CHRM2: variants seen among roughly 807,000 people sequenced by gnomAD.
The protein encoded by CHRM2 is muscarinic acetylcholine receptor M2.
In CHRM2, 8 loss-of-function variants were observed where a neutral mutation model predicts 25.0. The observed-to-expected ratio is 0.32, with a 90% CI of 0.19 to 0.58. The LOEUF is 0.58. CHRM2 is among the 20% of genes least tolerant of loss of function. The pLI is 0.88. For synonymous variants in CHRM2, 202 were observed against 205.7 expected (o/e 0.98, Z 0.15); for missense variants, 440 against 567.1 (o/e 0.78, Z 2.28).
intron 2 of CHRM2, among the ~76,000 whole-genome samples, chr7:136,934,769 T>A (rs1799315071): frequency 6.7e-6 from 1 of 148,978 alleles, no homozygotes; most frequent in African/African-American, 2.4e-5. Context: ...CCAGAAAAAA[T>A]ATTAAAAATA....
At chr7:137,005,020 G>C (rs1188288577) in intron 3 of CHRM2, among the ~76,000 whole-genome samples, 1 of 152,042 alleles carries the variant, frequency 6.6e-6, no homozygotes, top group African/African-American at 2.4e-5. Context: ...GTTGAATCTG[G>C]TATGAATCTT....
chr7:136,911,044 G>A (rs1797816595), intron 2 of CHRM2, among the ~76,000 whole-genome samples: 1 of 151,744 alleles, frequency 6.6e-6, no homozygotes, highest in Admixed American at 6.6e-5. Context: ...ACTCAAATAG[G>A]CTTAGTTTAA....
intron 2 of CHRM2, among the ~76,000 whole-genome samples, chr7:136,878,538 A>G (rs1796136353): frequency 1.3e-5 from 2 of 151,988 alleles, no homozygotes; most frequent in East Asian, 3.9e-4. Context: ...TATCCTTATC[A>G]GGGGAAATTT....
At chr7:136,946,957 G>A (rs545982923) in intron 2 of CHRM2, among the ~76,000 whole-genome samples, 18 of 152,278 alleles carry the variant, frequency 1.2e-4, no homozygotes, top group African/African-American at 4.1e-4. Flanking sequence ...AATTATTGCT[G>A]TTACTTTCCC....
chr7:137,006,156 A>T (rs1206344120), intron 3 of CHRM2, among the ~76,000 whole-genome samples: 2 of 152,156 alleles, frequency 1.3e-5, no homozygotes, highest in Non-Finnish European at 2.9e-5. Context: ...GGTACAGAAA[A>T]AGGTGGATGC....
At chr7:136,878,001 G>T (rs1796113007) in intron 2 of CHRM2, among the ~76,000 whole-genome samples, 1 of 151,952 alleles carries the variant, frequency 6.6e-6, no homozygotes, top group Admixed American at 6.6e-5. Context: ...AGAATAATTT[G>T]ATTGGTAGAG....
chr7:136,982,778 C>A (rs1239856840), intron 2 of CHRM2, among the ~76,000 whole-genome samples: 1 of 152,214 alleles, frequency 6.6e-6, no homozygotes, highest in Admixed American at 6.5e-5. Flanking sequence ...CCCCCACTCT[C>A]TTCTGGCTTG....
intron 2 of CHRM2, chr7:136,903,006 T>A: frequency 4.4e-6 from 2 of 451,668 alleles, no homozygotes; most frequent in Non-Finnish European, 8.6e-6. Context: ...CTGGAAAGTA[T>A]ACATTATGGC....
intron 2 of CHRM2, among the ~76,000 whole-genome samples, chr7:136,947,288 GA>G (rs35932713): frequency 3.3e-5 from 5 of 151,968 alleles, no homozygotes; most frequent in African/African-American, 7.2e-5. Flanking sequence ...ATTTGATCTA[GA>G]AAAAAATATG....
At chr7:136,916,434 T>C (rs1171562774) in intron 2 of CHRM2, among the ~76,000 whole-genome samples, 1 of 151,778 alleles carries the variant, frequency 6.6e-6, no homozygotes, top group Non-Finnish European at 1.5e-5. Flanking sequence ...ATTTTATCTA[T>C]AAGATGCCCT....
chr7:136,961,687 C>G (rs1232607293), intron 2 of CHRM2, among the ~76,000 whole-genome samples: 1 of 139,086 alleles, frequency 7.2e-6, no homozygotes, highest in East Asian at 1.9e-4. Flanking sequence ...TAGGTAAATT[C>G]TCAAACATTT....
intron 2 of CHRM2, among the ~76,000 whole-genome samples, chr7:136,979,732 G>C (rs1236847284): frequency 6.6e-6 from 1 of 152,096 alleles, no homozygotes; most frequent in African/African-American, 2.4e-5. Context: ...TTTTTGTCAG[G>C]TTTGTCAAAG....
intron 2 of CHRM2, among the ~76,000 whole-genome samples, chr7:136,989,942 T>G (rs1186112679): frequency 6.6e-6 from 1 of 152,096 alleles, no homozygotes; most frequent in Non-Finnish European, 1.5e-5. Context: ...CCACCTCCCT[T>G]CACCTCTCCC....
At chr7:137,009,768 G>A (rs1804683648) in intron 3 of CHRM2, among the ~76,000 whole-genome samples, 1 of 151,904 alleles carries the variant, frequency 6.6e-6, no homozygotes, top group Non-Finnish European at 1.5e-5. Context: ...CACTTCCAGG[G>A]TTGTTTTGGA....
chr7:137,000,796 T>C (rs1191847326), intron 3 of CHRM2, among the ~76,000 whole-genome samples: 1 of 150,570 alleles, frequency 6.6e-6, no homozygotes, highest in Non-Finnish European at 1.5e-5. Context: ...CCTGTCACGA[T>C]TTTTTATCCT....
chr7:136,942,533 G>T (rs954147123), intron 2 of CHRM2, among the ~76,000 whole-genome samples: 5 of 152,176 alleles, frequency 3.3e-5, no homozygotes, highest in African/African-American at 1.2e-4. Context: ...GAGGCCCAGA[G>T]TGCTGTTCTC....
chr7:137,016,391 C>A lies in CHRM2; in HGVS notation c.*125C>A. ...TAGTCTGATTACAAAACGTGCAATTCAGGAGCCCAGCAGTGACACACTTAT... is the reference window on the plus strand; with the variant it reads ...TAGTCTGATTACAAAACGTGCAATTAAGGAGCCCAGCAGTGACACACTTAT... On this transcript the variant is annotated 3_prime_UTR_variant, in exon 4 of 4. Coordinates refer to ENST00000680005, the MANE Select transcript of CHRM2 (RefSeq NM_001006630.2). 9.6e-7 allele frequency: 1 copy of A among 1,037,796 alleles called. No individual in the cohort carries two copies. Among genetic ancestry groups the A allele is most frequent in the Non-Finnish European group, 1.5e-6 (1 of 688,946 alleles). The allele number at this position is 1,037,796 out of a possible 1,614,324, so 64.3% of individuals were successfully genotyped here. A position where few individuals can be genotyped will look rare whatever the true frequency, so the allele number is the denominator to read the frequency against.
At chr7:136,990,210 T>C (rs1174665669) in intron 2 of CHRM2, among the ~76,000 whole-genome samples, 3 of 152,184 alleles carry the variant, frequency 2.0e-5, no homozygotes, top group Non-Finnish European at 4.4e-5. Context: ...TGAATATACA[T>C]TGAACACATC....
At position 136,869,091 on chromosome 7, in the gene CHRM2, T is replaced by C. The variant is rs377562880; in HGVS notation, c.-283+99T>C. On this transcript the variant is annotated intron_variant, in intron 1 of 3. Coordinates refer to ENST00000680005, the MANE Select transcript of CHRM2 (RefSeq NM_001006630.2). The surrounding 1 kb of genome is among the most constrained non-coding windows in gnomAD (Gnocchi z 4.9). ...TCTAAACCACGAACAGGTCACAGACTAGCCAAGTGGCTGAGACGAGTGTGG... is the reference window on the plus strand; with the variant it reads ...TCTAAACCACGAACAGGTCACAGACCAGCCAAGTGGCTGAGACGAGTGTGG... 3.9e-5 allele frequency: 6 copies of C among 152,122 alleles called. No individual in the cohort carries two copies. Among genetic ancestry groups the C allele is most frequent in the Admixed American group, 2.6e-4 (4 of 15,278 alleles). 9.4% of individuals were successfully genotyped at this position (152,122 alleles called of 1,614,324 possible).
Sources: allele counts gnomAD v4.1 joint callset (sites outside exome capture counted in the v4.1 genomes callset), GRCh38; gene constraint gnomAD v4.1.1; non-coding constraint Gnocchi (gnomAD v3.1); transcripts MANE v1.5; gene names NCBI Gene and HGNC (gene_info 2026-07-23, HGNC 2026-07-21).